ACACB: variants seen among roughly 807,000 people sequenced by gnomAD.
ACACB encodes the protein acetyl-CoA carboxylase beta.
Under a neutral mutation model 278.8 loss-of-function variants are expected in ACACB, and 209 were observed. The observed-to-expected ratio is 0.75, with a 90% CI of 0.67 to 0.84. The LOEUF is 0.84. ACACB is among the 40% of genes least tolerant of loss of function. ACACB has a pLI of 0.00. For missense variants in ACACB, 2,850 were observed against 3,269.0 expected (o/e 0.87, Z 3.13); for synonymous variants, 1,174 against 1,285.6 (o/e 0.91, Z 1.86).
chr12:109,192,407 C>T (rs1261309975), intron 15 of ACACB, among the ~76,000 whole-genome samples: 1 of 152,106 alleles, frequency 6.6e-6, no homozygotes, highest in East Asian at 1.9e-4. Context: ...AGCCTCAGCA[C>T]CATTAACATT....
chr12:109,205,910 A>G (rs1370498321), intron 19 of ACACB, among the ~76,000 whole-genome samples: 1 of 152,144 alleles, frequency 6.6e-6, no homozygotes, highest in African/African-American at 2.4e-5. Context: ...TGTAGAATGA[A>G]TGAGTAGACG....
In ACACB at chr12:109,179,923, A is replaced by G. The variant is rs16940029; in HGVS notation, c.1654A>G (p.Ile552Val). 47,115 of 1,602,844 alleles carry G rather than the reference A, an allele frequency of 0.029. 2,205 individuals are homozygous for G. The highest frequency in any genetic ancestry group is 0.22 in the African/African-American group (16,388 of 74,774). ...TCTTTCTGTTTCTTCACAGTGTGCC[A>G]TCCGCCTGGCCAAGACCGTGGGCTA... ...AIFEFMEQCAIRLAKTVGYVS... is the reference protein window; with the variant it reads ...AIFEFMEQCAVRLAKTVGYVS... Residue 552 changes from isoleucine to valine, a missense_variant, in exon 11 of 53, where the codon ATC (isoleucine) becomes GTC (valine). Transcript: ENST00000338432.
In ACACB at chr12:109,179,115, AT is replaced by A; in HGVS notation, c.1466del (p.Ile489ThrfsTer4). 6.2e-7 allele frequency: 1 copy of A among 1,613,536 alleles called. No individual in the cohort carries two copies. The highest frequency in any genetic ancestry group is 8.5e-7 in the Non-Finnish European group (1 of 1,179,784). On this transcript the variant is annotated frameshift_variant, in exon 10 of 53. Transcript: ENST00000338432. LOFTEE classifies it high-confidence loss of function. Reference sequence around the variant, plus strand: ...ACAGAGTGAGATCCCAGGCTCGCCCATCTTTCTCATGAAGCTGGCCCAGCAC... The same window carrying A: ...ACAGAGTGAGATCCCAGGCTCGCCCACTTTCTCATGAAGCTGGCCCAGCAC... ...QVQSEIPGSP[I>X]FLMKLAQHAR...
chr12:109,139,699 G>A lies in ACACB; in HGVS notation c.294G>A (p.Lys98=), dbSNP rs555738682. Residue 98 remains lysine, a synonymous_variant, in exon 2 of 53, where the codon AAG becomes AAA. Coordinates refer to ENST00000338432, the MANE Select transcript of ACACB (RefSeq NM_001093.4). ...RRNSLPPSHQ[K]PPRNPLSSSD... ...ACTCCCTACCACCCTCCCACCAGAAGCCCCCAAGAAACCCCCTTTCTTCCA... is the reference window on the plus strand; with the variant it reads ...ACTCCCTACCACCCTCCCACCAGAAACCCCCAAGAAACCCCCTTTCTTCCA... 1 of 1,613,882 alleles carries A rather than the reference G, an allele frequency of 6.2e-7. No homozygotes were observed. The highest frequency in any genetic ancestry group is 8.5e-7 in the Non-Finnish European group (1 of 1,179,912).
At chr12:109,142,702 A>G (rs973106387) in intron 2 of ACACB, among the ~76,000 whole-genome samples, 2 of 151,876 alleles carry the variant, frequency 1.3e-5, no homozygotes, top group African/African-American at 4.8e-5. Context: ...AAGTAGCTGG[A>G]ATTATGGGCG....
chr12:109,197,298 G>A, intron 17 of ACACB, 145 bp downstream of exon 17: 1 of 1,060,860 alleles, frequency 9.4e-7, no homozygotes, highest in Non-Finnish European at 1.3e-6. Flanking sequence ...GTGCAGAGAA[G>A]TTAATCTCTT....
chr12:109,179,243 T>G lies in ACACB; in HGVS notation c.1593T>G (p.Val531=), dbSNP rs11065765. 2,750 of 1,613,960 alleles carry G rather than the reference T, an allele frequency of 1.7e-3. 52 individuals carry two copies. In the African/African-American group the frequency reaches 0.032, roughly 19 times the overall value. The change falls in exon 10 of 53, where the codon GTT becomes GTG. Residue 531 remains valine (V), a synonymous_variant. Coordinates refer to ENST00000338432, the MANE Select transcript of ACACB (RefSeq NM_001093.4). ...CSIQRRHQKI[V]EEAPATIAPL... is the part of the protein sequence containing the mutation. Reference sequence around the variant, plus strand: ...TCCAGCGGCGGCATCAGAAGATCGTTGAGGAAGCACCGGCCACCATCGCCC... The same window carrying G: ...TCCAGCGGCGGCATCAGAAGATCGTGGAGGAAGCACCGGCCACCATCGCCC...
chr12:109,261,743 C>T (rs958562558), intron 48 of ACACB, among the ~76,000 whole-genome samples: 3 of 151,734 alleles, frequency 2.0e-5, no homozygotes, highest in Non-Finnish European at 4.4e-5. Context: ...TGGTGGTACA[C>T]GCCTGTAATC....
chr12:109,210,276 C>CACACACGTGTGTATATGTATATAT (rs2045752383), intron 21 of ACACB, among the ~76,000 whole-genome samples: 16 of 5,766 alleles, frequency 2.8e-3, no homozygotes, highest in Non-Finnish European at 6.6e-3. Context: ...TGTACATATA[C>CACACACGTGTGTATATGTATATAT]ACACACATAT....
chr12:109,179,657 TA>T (rs900104726), intron 10 of ACACB, among the ~76,000 whole-genome samples: 4 of 151,764 alleles, frequency 2.6e-5, no homozygotes, highest in South Asian at 2.1e-4. Context: ...TGGCTAATTT[TA>T]AAAAAAAATT....
intron 1 of ACACB, among the ~76,000 whole-genome samples, chr12:109,129,756 T>TG (rs964662238): frequency 6.6e-6 from 1 of 152,184 alleles, no homozygotes; most frequent in Non-Finnish European, 1.5e-5. Flanking sequence ...CTGTCCTTGA[T>TG]GGGGGGATCT....
intron 1 of ACACB, among the ~76,000 whole-genome samples, chr12:109,126,880 C>T (rs1158076060): frequency 6.6e-6 from 1 of 152,108 alleles, no homozygotes; most frequent in Non-Finnish European, 1.5e-5. Flanking sequence ...AATGTACAGG[C>T]TTCTCTTAAA....
chr12:109,222,653 C>T (rs1469730956), intron 25 of ACACB, 33 bp downstream of exon 25: 4 of 1,575,564 alleles, frequency 2.5e-6, no homozygotes, highest in South Asian at 2.2e-5. Context: ...CCACGATGTG[C>T]GTTTCCCCCC....
chr12:109,124,475 G>A (rs2430682), intron 1 of ACACB, among the ~76,000 whole-genome samples: 1 of 151,960 alleles, frequency 6.6e-6, no homozygotes, highest in East Asian at 1.9e-4. Flanking sequence ...CTTGCATCAC[G>A]TCAAGAACAT....
rs770566091 is a variant in ACACB, at chr12:109,245,729, G to A, written c.5282G>A (p.Arg1761Gln). Residue 1761 changes from arginine (R) to glutamine (Q), a missense_variant, in exon 38 of 53, where the codon CGA becomes CAA. Around this residue, in one of 3 missense-constraint regions of ACACB, gnomAD observed 2,265 missense variants for 2,561.3 expected, o/e 0.88. Coordinates refer to ENST00000338432, the MANE Select transcript of ACACB (RefSeq NM_001093.4). Reference sequence around the variant, plus strand: ...CAGGGCCAGCTGGTGGAGATGAACCGACTTCCTGGTGGAAATGAGGTAATA... The same window carrying A: ...CAGGGCCAGCTGGTGGAGATGAACCAACTTCCTGGTGGAAATGAGGTAATA... ...DSQGQLVEMN[R>Q]LPGGNEVGMV... 2.9e-5 allele frequency: 46 copies of A among 1,613,918 alleles called. No individual in the cohort carries two copies. Among genetic ancestry groups the A allele is most frequent in the African/African-American group, 4.0e-5 (3 of 74,894 alleles).
rs117309829 is a variant in ACACB, at chr12:109,129,976, T to C, written c.-9-9421T>C. 9.5e-3 allele frequency among the ~76,000 whole-genome samples: 1,447 copies of C among 152,356 alleles called. 4 individuals carry two copies. The highest frequency in any genetic ancestry group is 0.017 in the Middle Eastern group (5 of 294). On this transcript the variant is annotated intron_variant, in intron 1 of 52. Coordinates refer to ENST00000338432, the MANE Select transcript of ACACB (RefSeq NM_001093.4). ...CTCTATTTGGTGTTGAGTGACTACA[T>C]GAATCTTGGTTGATTCTCACAATAA...
chr12:109,225,703 C>G (rs1053764623), intron 27 of ACACB, among the ~76,000 whole-genome samples: 2 of 152,344 alleles, frequency 1.3e-5, no homozygotes, highest in Non-Finnish European at 2.9e-5. Flanking sequence ...TGTTTAAACT[C>G]CAGAACTGCA....
At chr12:109,151,523 C>T (rs1174277074) in intron 2 of ACACB, among the ~76,000 whole-genome samples, 2 of 151,890 alleles carry the variant, frequency 1.3e-5, no homozygotes, top group South Asian at 2.1e-4. Flanking sequence ...AAAATGAAGG[C>T]AAATTGTATG....
At position 109,246,182 on chromosome 12, in the gene ACACB, G is replaced by A. The variant is rs1593692080; in HGVS notation, c.5305G>A (p.Gly1769Ser). The change falls in exon 39 of 53, where the codon GGC becomes AGC. Residue 1769 changes from glycine (G) to serine (S), a missense_variant. Around this residue, in one of 3 missense-constraint regions of ACACB, gnomAD observed 2,265 missense variants for 2,561.3 expected, o/e 0.88. Transcript: ENST00000338432. ...TGTGCATTCATCCCCTTGCCAGGTGGGCATGGTGGCCTTCAAAATGAGGTT... is the reference window on the plus strand; with the variant it reads ...TGTGCATTCATCCCCTTGCCAGGTGAGCATGGTGGCCTTCAAAATGAGGTT... ...MNRLPGGNEV[G>S]MVAFKMRFKT... 6.2e-7 allele frequency: 1 copy of A among 1,608,478 alleles called. No homozygotes were observed. The highest frequency in any genetic ancestry group is 2.2e-5 in the East Asian group (1 of 44,698).
Sources: gnomAD v4.1 joint callset for allele counts (sites outside exome capture counted in the v4.1 genomes callset) on GRCh38, gnomAD v4.1.1 for gene constraint, gnomAD v4.1.1 regional missense constraint, MANE v1.5 for transcripts, NCBI Gene and HGNC (gene_info 2026-07-23, HGNC 2026-07-21) for gene names.